FAM81B: variants seen among roughly 807,000 people sequenced by gnomAD.
FAM81B encodes family with sequence similarity 81 member B, also known as protein FAM81B.
FAM81B carries 60 observed loss-of-function variants against 58.7 expected under a neutral mutation model. That is an observed-to-expected ratio of 1.02 (90% CI 0.83 to 1.27). The LOEUF (loss-of-function observed/expected upper bound fraction) is 1.27. Ranked by LOEUF, FAM81B falls within the 50% of genes most tolerant of loss-of-function variation. The pLI, the probability that FAM81B is intolerant of heterozygous loss-of-function variation, is 0.00. For synonymous variants in FAM81B, 189 were observed against 179.6 expected (o/e 1.05, Z -0.42); for missense variants, 491 against 522.0 (o/e 0.94, Z 0.58).
At chr5:95,419,242 T>C (rs1363414238) in intron 4 of FAM81B, among the ~76,000 whole-genome samples, 1 of 152,232 alleles carries the variant, frequency 6.6e-6, no homozygotes, top group East Asian at 1.9e-4. Flanking sequence ...AGAGTCTGTC[T>C]GTGGTCTTTG....
At chr5:95,417,130 G>A (rs908059143) in intron 4 of FAM81B, among the ~76,000 whole-genome samples, 1 of 152,144 alleles carries the variant, frequency 6.6e-6, no homozygotes, top group African/African-American at 2.4e-5. Context: ...CTTAGAAGTG[G>A]AATTACTAAG....
intron 5 of FAM81B, among the ~76,000 whole-genome samples, chr5:95,421,216 GT>G (rs1762672643): frequency 6.6e-6 from 1 of 152,170 alleles, no homozygotes; most frequent in African/African-American, 2.4e-5. Context: ...AAAACAAGCT[GT>G]ATCAATAACC....
chr5:95,444,253 T>C (rs1745470415), intron 7 of FAM81B, among the ~76,000 whole-genome samples: 2 of 152,244 alleles, frequency 1.3e-5, no homozygotes, highest in South Asian at 2.1e-4. Context: ...GGCATTGTTA[T>C]CAGCCATGAA....
chr5:95,426,900 T>A (rs1762852734), intron 5 of FAM81B, among the ~76,000 whole-genome samples: 1 of 152,010 alleles, frequency 6.6e-6, no homozygotes, highest in Admixed American at 6.6e-5. Context: ...TACAAAAAAA[T>A]TAGCCAGGCG....
At chr5:95,409,478 A>ATTTTTTTTTTTTTTTTTTTT (rs1426797475) in intron 3 of FAM81B, among the ~76,000 whole-genome samples, 8 of 151,524 alleles carry the variant, frequency 5.3e-5, no homozygotes, top group African/African-American at 4.9e-5. Context: ...TTTTTAAAGA[A>ATTTTTTTTTTTTTTTTTTTT]TTTTTCTTAA....
At chr5:95,392,013 A>G (rs1372493296) in intron 1 of FAM81B, among the ~76,000 whole-genome samples, 1 of 152,218 alleles carries the variant, frequency 6.6e-6, no homozygotes, top group South Asian at 2.1e-4. Context: ...TATATACCCA[A>G]AGGACTATAA....
At chr5:95,425,686 C>T (rs1226878144) in intron 5 of FAM81B, among the ~76,000 whole-genome samples, 1 of 152,072 alleles carries the variant, frequency 6.6e-6, no homozygotes. Context: ...ATAAAGTGAA[C>T]ATTAAATAAC....
rs746583579 is a variant in FAM81B at position 95,436,879 on chromosome 5, G to C, written c.866G>C (p.Arg289Pro). Residue 289 changes from arginine (R) to proline (P), a missense_variant, in exon 7 of 10, where the codon CGC becomes CCC. Coordinates refer to ENST00000283357, the MANE Select transcript of FAM81B (RefSeq NM_152548.3). ...SNLKMVQGDY[R>P]HEMNLLEFKF... The stretch of plus-strand genomic sequence containing the variant: ...TTAAAGATGGTCCAGGGGGATTATC[G>C]CCACGAAATGAACCTTTTGGAATTC... 29 of 1,613,688 alleles carry C rather than the reference G, an allele frequency of 1.8e-5. No individual in the cohort carries two copies. Among genetic ancestry groups the C allele is most frequent in the Non-Finnish European group, 2.5e-5 (29 of 1,179,704 alleles).
intron 2 of FAM81B, among the ~76,000 whole-genome samples, chr5:95,394,877 T>A (rs1273368403): frequency 1.3e-5 from 2 of 152,174 alleles, no homozygotes; most frequent in Non-Finnish European, 2.9e-5. Flanking sequence ...GGTATCCAAT[T>A]AAGTTTCTTA....
chr5:95,444,514 A>C (rs1310203962), intron 7 of FAM81B, among the ~76,000 whole-genome samples: 1 of 152,184 alleles, frequency 6.6e-6, no homozygotes, highest in Non-Finnish European at 1.5e-5. Context: ...TAATTGGCTA[A>C]AATGAGGGAG....
chr5:95,445,428 C>T (rs988562903), intron 7 of FAM81B, among the ~76,000 whole-genome samples: 7 of 152,172 alleles, frequency 4.6e-5, no homozygotes, highest in African/African-American at 1.7e-4. Context: ...CTCATCCTAC[C>T]TCTTCCCAGT....
chr5:95,439,602 G>C (rs1299435319), intron 7 of FAM81B, among the ~76,000 whole-genome samples: 1 of 107,178 alleles, frequency 9.3e-6, no homozygotes, highest in Non-Finnish European at 1.7e-5. Flanking sequence ...AAGTAAGACA[G>C]GGTTATTTTT....
chr5:95,401,440 T>C (rs1357907317), intron 3 of FAM81B, among the ~76,000 whole-genome samples: 1 of 152,110 alleles, frequency 6.6e-6, no homozygotes, highest in Admixed American at 6.6e-5. Flanking sequence ...TGGAAGTCTC[T>C]CCAGCTACAA....
At chr5:95,408,006 G>A (rs1365761490) in intron 3 of FAM81B, among the ~76,000 whole-genome samples, 1 of 151,512 alleles carries the variant, frequency 6.6e-6, no homozygotes. Context: ...GTTGTCAGGA[G>A]TTTTCAGTTC....
Position 95,446,668 on chromosome 5 carries a change from G to T in FAM81B, c.1000G>T (p.Glu334Ter), listed in dbSNP as rs1198196598. ...AAAAGACCACCTGGGCCATATAAAT[G>T]AATGTCTGAAGGTCCTACAGGAGAA... ...YRKDHLGHIN[E>*]CLKVLQEKLE... Residue 334 changes from glutamate to a stop codon, truncating the protein, a stop_gained, in exon 8 of 10, where the codon GAA becomes TAA. Transcript: ENST00000283357. LOFTEE classifies it high-confidence loss of function. 5 of 1,611,436 alleles carry T rather than the reference G, an allele frequency of 3.1e-6. No individual in the cohort carries two copies. The highest frequency in any genetic ancestry group is 3.4e-5 in the Admixed American group (2 of 59,472).
intron 4 of FAM81B, 100 bp downstream of exon 4, chr5:95,414,290 T>G (rs1762482266): frequency 1.6e-6 from 2 of 1,252,920 alleles, no homozygotes; most frequent in Non-Finnish European, 2.2e-6. Flanking sequence ...AGTGCAGAAA[T>G]ATATCACTAT....
chr5:95,399,293 CT>C (rs757704090), intron 3 of FAM81B, among the ~76,000 whole-genome samples: 8 of 152,168 alleles, frequency 5.3e-5, no homozygotes, highest in Non-Finnish European at 1.2e-4. Context: ...ATGGCAGACA[CT>C]TTATTATTCC....
rs1269636315 is a variant in FAM81B, at chr5:95,450,002, T to C, written c.1226-147T>C. 1.4e-5 allele frequency: 11 copies of C among 789,978 alleles called. No individual in the cohort carries two copies. The East Asian group carries it at 1.7e-4, about 12-fold the overall frequency. 48.9% of individuals were successfully genotyped at this position (789,978 alleles called of 1,614,324 possible). ...TTCATGACATACAAGAAATATATTA[T>C]GTACAATTTTAGGCTGGTCTTCATA... On this transcript the variant is annotated intron_variant, in intron 9 of 9. Transcript: ENST00000283357.
chr5:95,409,214 G>A (rs1055191321), intron 3 of FAM81B, among the ~76,000 whole-genome samples: 22 of 150,092 alleles, frequency 1.5e-4, no homozygotes, highest in Admixed American at 9.3e-4. Context: ...GCTGGAGTGT[G>A]GTACCTCAAT....
Sources: gnomAD v4.1 joint callset for allele counts (sites outside exome capture counted in the v4.1 genomes callset) on GRCh38, gnomAD v4.1.1 for gene constraint, MANE v1.5 for transcripts, NCBI Gene and HGNC (gene_info 2026-07-23, HGNC 2026-07-21) for gene names.